KLHL20: variants seen among roughly 807,000 people sequenced by gnomAD.
KLHL20 encodes the protein kelch-like protein 20.
Under a neutral mutation model 69.5 loss-of-function variants are expected in KLHL20, and 29 were observed. The ratio of observed to expected loss-of-function variants is 0.42; its 90% confidence interval spans 0.31 to 0.57. The LOEUF (loss-of-function observed/expected upper bound fraction) is 0.57, where lower values mean the gene tolerates loss of function less well. KLHL20 is among the 20% of genes least tolerant of loss of function. The pLI, the probability that KLHL20 is intolerant of heterozygous loss-of-function variation, is 0.18. For missense variants in KLHL20, 419 were observed against 776.0 expected (o/e 0.54, Z 5.47); for synonymous variants, 253 against 265.2 (o/e 0.95, Z 0.45).
chr1:173,766,932 A>G (rs1021811496), intron 8 of KLHL20, among the ~76,000 whole-genome samples: 9 of 152,272 alleles, frequency 5.9e-5, no homozygotes, highest in African/African-American at 1.7e-4. Flanking sequence ...AACACTTAAA[A>G]TCTACTCTCA....
At chr1:173,743,538 T>A (rs762432456) in intron 3 of KLHL20, among the ~76,000 whole-genome samples, 144 of 148,902 alleles carry the variant, frequency 9.7e-4, no homozygotes, top group African/African-American at 2.2e-3. Flanking sequence ...GTGGTGATTT[T>A]AAAAAAAAAA....
At chr1:173,744,569 G>A (rs1332830931) in intron 3 of KLHL20, among the ~76,000 whole-genome samples, 1 of 152,016 alleles carries the variant, frequency 6.6e-6, no homozygotes, top group African/African-American at 2.4e-5. Flanking sequence ...CCCAAACCCA[G>A]GTTACAGAGA....
intron 2 of KLHL20, among the ~76,000 whole-genome samples, chr1:173,719,445 T>TA (rs1404214827): frequency 4.6e-5 from 7 of 152,130 alleles, no homozygotes; most frequent in Non-Finnish European, 1.0e-4. Flanking sequence ...ACCCCTTCTC[T>TA]ACTAAAAATA....
chr1:173,761,475 A>G (rs1647308166), intron 7 of KLHL20, among the ~76,000 whole-genome samples: 2 of 152,246 alleles, frequency 1.3e-5, no homozygotes, highest in Admixed American at 6.5e-5. Flanking sequence ...AAGATAGACC[A>G]TAAGATAGGT....
intron 8 of KLHL20, among the ~76,000 whole-genome samples, chr1:173,773,447 ATATT>A (rs1282466945): frequency 4.0e-5 from 6 of 150,058 alleles, no homozygotes; most frequent in African/African-American, 1.2e-4. Flanking sequence ...AAATAAATAA[ATATT>A]AATTAAAATT....
chr1:173,720,533 G>C (rs1034321069), intron 2 of KLHL20, among the ~76,000 whole-genome samples: 11 of 152,156 alleles, frequency 7.2e-5, no homozygotes, highest in African/African-American at 2.4e-4. Flanking sequence ...TACATCGTTT[G>C]TTCTTTGAAC....
chr1:173,761,017 C>T (rs1219837822), intron 7 of KLHL20, among the ~76,000 whole-genome samples: 1 of 152,118 alleles, frequency 6.6e-6, no homozygotes, highest in Non-Finnish European at 1.5e-5. Flanking sequence ...TAAGGACTCA[C>T]ATAAACTTAA....
chr1:173,757,200 A>T, intron 7 of KLHL20, 41 bp downstream of exon 7: 1 of 1,507,410 alleles, frequency 6.6e-7, no homozygotes, highest in Non-Finnish European at 9.0e-7. Flanking sequence ...TACTATTCAT[A>T]TAGTTTTATT....
At chr1:173,778,229 AC>A (rs1306444055) in intron 10 of KLHL20, among the ~76,000 whole-genome samples, 3 of 128,070 alleles carry the variant, frequency 2.3e-5, no homozygotes, top group Non-Finnish European at 5.0e-5. Flanking sequence ...TCAGCCCCCC[AC>A]CCCCCGACAG....
chr1:173,784,121 G>A lies in KLHL20; in HGVS notation c.1746-1042G>A, dbSNP rs193248760. On this transcript the variant is annotated intron_variant, in intron 11 of 11. Transcript: ENST00000209884. ...CAAAAAAGTTCCTTGCCCTGCTGGA[G>A]CTAACCAATTGTATTGAGGGAGACA... Among the ~76,000 whole-genome samples the A allele has an allele frequency of 7.8e-3, 1,187 of 152,224 alleles. 9 individuals carry two copies. The highest frequency in any genetic ancestry group is 0.01 in the Non-Finnish European group (698 of 67,996).
At chr1:173,758,730 T>C (rs1237459188) in intron 7 of KLHL20, among the ~76,000 whole-genome samples, 3 of 152,208 alleles carry the variant, frequency 2.0e-5, no homozygotes, top group Non-Finnish European at 4.4e-5. Flanking sequence ...GGGAGTTTGC[T>C]GGGTCCCCAA....
chr1:173,782,351 A>C, intron 11 of KLHL20, 121 bp downstream of exon 11: 4 of 613,502 alleles, frequency 6.5e-6, no homozygotes, highest in Non-Finnish European at 1.1e-5. Context: ...AAGAGGGCTG[A>C]AGTTACACAT....
In KLHL20 at chr1:173,786,217, G is replaced by T. The variant is rs1006139626; in HGVS notation, c.*970G>T. 4 of 152,544 alleles carry T rather than the reference G, an allele frequency of 2.6e-5. No individual in the cohort carries two copies. Among genetic ancestry groups the T allele is most frequent in the African/African-American group, 9.7e-5 (4 of 41,432 alleles). 9.4% of individuals were successfully genotyped at this position (152,544 alleles called of 1,614,324 possible). On this transcript the variant is annotated 3_prime_UTR_variant, in exon 12 of 12. Transcript: ENST00000209884. ...CTTTAATAACAGCCTCCAAGGGAATGAATTATTCAGTTAATGTAATAGCAC... is the reference window on the plus strand; with the variant it reads ...CTTTAATAACAGCCTCCAAGGGAATTAATTATTCAGTTAATGTAATAGCAC...
rs143294890 is a variant in KLHL20, at chr1:173,751,874, G to A, written c.708G>A (p.Met236Ile). 6 of 1,614,060 alleles carry A rather than the reference G, an allele frequency of 3.7e-6. No individual in the cohort carries two copies. Among genetic ancestry groups the A allele is most frequent in the Non-Finnish European group, 5.1e-6 (6 of 1,180,004 alleles). ...RSEEQVFNAV[M>I]AWVKYSIQER... is the part of the protein sequence containing the mutation. ...AAGAACAAGTGTTCAATGCAGTGAT[G>A]GCCTGGGTCAAATACAGTATTCAGG... Residue 236 changes from methionine to isoleucine, a missense_variant, in exon 4 of 12, where the codon ATG (methionine) becomes ATA (isoleucine). Met to Ile is a conservative substitution (Grantham distance 10, BLOSUM62 1). Around this residue, in one of 6 missense-constraint regions of KLHL20, gnomAD observed 99 missense variants for 240.7 expected, o/e 0.41. Transcript: ENST00000209884.
chr1:173,773,454 T>C (rs1224360285), intron 8 of KLHL20, among the ~76,000 whole-genome samples: 2 of 150,282 alleles, frequency 1.3e-5, no homozygotes, highest in African/African-American at 2.4e-5. Context: ...TAAATATTAA[T>C]TAAAATTTTT....
At chr1:173,782,318 G>A in intron 11 of KLHL20, 88 bp downstream of exon 11, 1 of 953,070 alleles carries the variant, frequency 1.0e-6, no homozygotes, top group Non-Finnish European at 1.7e-6. Flanking sequence ...GAACTGGGAT[G>A]GTCAGTACAT....
intron 3 of KLHL20, chr1:173,741,992 A>G (rs1169353851): frequency 3.5e-5 from 21 of 601,822 alleles, no homozygotes; most frequent in Non-Finnish European, 6.0e-5. Flanking sequence ...GATAAAAAAA[A>G]TTGTAACTTG....
At chr1:173,755,167 T>G (rs1673492912) in intron 5 of KLHL20, among the ~76,000 whole-genome samples, 1 of 151,660 alleles carries the variant, frequency 6.6e-6, no homozygotes, top group Admixed American at 6.6e-5. Context: ...CAACCGATTC[T>G]CCTGCTTCAG....
At chr1:173,748,942 A>T (rs1032929299) in intron 3 of KLHL20, among the ~76,000 whole-genome samples, 5 of 152,100 alleles carry the variant, frequency 3.3e-5, no homozygotes, top group African/African-American at 1.2e-4. Flanking sequence ...ATATTCACAA[A>T]TATCTGAAGA....
Sources: allele counts gnomAD v4.1 joint callset (sites outside exome capture counted in the v4.1 genomes callset), GRCh38; gene constraint gnomAD v4.1.1; regional missense constraint gnomAD v4.1.1; transcripts MANE v1.5; gene names NCBI Gene and HGNC (gene_info 2026-07-23, HGNC 2026-07-21).